The following CSNK1G2 variants were observed in gnomAD, a reference collection of about 807,000 sequenced individuals.
CSNK1G2 encodes the protein casein kinase I isoform gamma-2.
A neutral mutation model predicts 48.0 loss-of-function variants in CSNK1G2; 11 were observed. The observed-to-expected ratio is 0.23, with a 90% confidence interval of 0.14 to 0.38. The LOEUF (loss-of-function observed/expected upper bound fraction) is 0.38, where lower values mean the gene tolerates loss of function less well. Ranked by LOEUF, CSNK1G2 falls within the 10% of genes least tolerant of loss-of-function variation. The pLI is 1.00. For synonymous variants in CSNK1G2, 337 were observed against 254.1 expected (o/e 1.33, Z -3.10); for missense variants, 446 against 595.5 (o/e 0.75, Z 2.61).
intron 1 of CSNK1G2, among the ~76,000 whole-genome samples, chr19:1,945,972 G>GA (rs1218041513): frequency 6.6e-6 from 1 of 152,230 alleles, no homozygotes; most frequent in African/African-American, 2.4e-5. Flanking sequence ...CAGCCCAGTG[G>GA]AGTGGGGCAA....
intron 1 of CSNK1G2, among the ~76,000 whole-genome samples, chr19:1,959,546 T>C (rs1403142961): frequency 7.3e-5 from 7 of 95,978 alleles, no homozygotes; most frequent in East Asian, 7.4e-4. Flanking sequence ...CCAGCACCTG[T>C]GCCACCTTTA....
intron 1 of CSNK1G2, among the ~76,000 whole-genome samples, chr19:1,959,619 C>A: frequency 8.0e-6 from 1 of 124,266 alleles, no homozygotes; most frequent in East Asian, 2.3e-4. Flanking sequence ...CCCCCAGCAC[C>A]CGTGCCACCT....
intron 1 of CSNK1G2, among the ~76,000 whole-genome samples, chr19:1,966,134 T>C (rs536418947): frequency 6.6e-6 from 1 of 152,318 alleles, no homozygotes; most frequent in South Asian, 2.1e-4. Context: ...TTTGTAAGGC[T>C]CTAGGTGCCT....
At chr19:1,974,164 T>G (rs1185293710) in intron 2 of CSNK1G2, among the ~76,000 whole-genome samples, 1 of 152,060 alleles carries the variant, frequency 6.6e-6, no homozygotes, top group African/African-American at 2.4e-5. Context: ...AGTGCTAGGG[T>G]TACAGGCATG....
At chr19:1,943,854 T>G (rs878440) in intron 1 of CSNK1G2, among the ~76,000 whole-genome samples, 62,721 of 152,130 alleles carry the variant, frequency 0.41, 15,680 homozygotes, top group Non-Finnish European at 0.56. Flanking sequence ...GGGCTCATGG[T>G]CCGTCAAGGC....
At position 1,955,559 on chromosome 19, in the gene CSNK1G2, G is replaced by A. The variant is rs529188662; in HGVS notation, c.-265-13949G>A. Reference sequence around the variant, plus strand: ...GGCGTGTGCCTGGGCGAGGCTCCGCGAGTCGGGGGCAGCGCCCAGGTCAGG... The same window carrying A: ...GGCGTGTGCCTGGGCGAGGCTCCGCAAGTCGGGGGCAGCGCCCAGGTCAGG... On this transcript the variant is annotated intron_variant, in intron 1 of 11. Coordinates refer to ENST00000255641, the MANE Select transcript of CSNK1G2 (RefSeq NM_001319.7). Among the ~76,000 whole-genome samples, 75 of 152,264 alleles carry A rather than the reference G, an allele frequency of 4.9e-4. 2 individuals carry two copies. Among genetic ancestry groups the A allele is most frequent in the Admixed American group, 3.5e-3 (53 of 15,314 alleles).
At chr19:1,947,946 C>A (rs1436521222) in intron 1 of CSNK1G2, among the ~76,000 whole-genome samples, 1 of 79,232 alleles carries the variant, frequency 1.3e-5, no homozygotes, top group African/African-American at 5.9e-5. Context: ...GTCCTGGGGC[C>A]CCCATGAGTC....
intron 2 of CSNK1G2, chr19:1,975,552 A>G: frequency 1.0e-6 from 1 of 985,406 alleles, no homozygotes; most frequent in Non-Finnish European, 1.2e-6. Flanking sequence ...ACGCAGCACG[A>G]CACGGCGAGG....
At chr19:1,948,038 G>A (rs1382129175) in intron 1 of CSNK1G2, among the ~76,000 whole-genome samples, 1 of 152,168 alleles carries the variant, frequency 6.6e-6, no homozygotes, top group Admixed American at 6.5e-5. Flanking sequence ...CGTGGGCCGG[G>A]ACCCGGGATG....
chr19:1,947,233 G>A (rs970198102), intron 1 of CSNK1G2, among the ~76,000 whole-genome samples: 3 of 152,174 alleles, frequency 2.0e-5, no homozygotes, highest in Admixed American at 6.5e-5. Context: ...GTCTGGATTC[G>A]TGGACAGAGT....
intron 1 of CSNK1G2, among the ~76,000 whole-genome samples, chr19:1,961,078 A>G (rs975966487): frequency 6.6e-6 from 1 of 152,210 alleles, no homozygotes; most frequent in Non-Finnish European, 1.5e-5. Context: ...TCGCCCCCGC[A>G]TGGTGGTCCT....
intron 1 of CSNK1G2, among the ~76,000 whole-genome samples, chr19:1,956,544 C>T (rs921536294): frequency 4.6e-5 from 7 of 152,174 alleles, no homozygotes; most frequent in African/African-American, 1.7e-4. Context: ...GCATCCTAGC[C>T]GGCAAGGCCA....
chr19:1,963,130 AG>A lies in CSNK1G2; in HGVS notation c.-265-6375del, dbSNP rs367941262. ...GTGATCCCATTTCTATGAAATGTCCAGGGCAGGCCCAGCCACAGAGACAGGG... is the reference window on the plus strand; with the variant it reads ...GTGATCCCATTTCTATGAAATGTCCAGGCAGGCCCAGCCACAGAGACAGGG... On this transcript the variant is annotated intron_variant, in intron 1 of 11. Transcript: ENST00000255641. 2.3e-3 allele frequency among the ~76,000 whole-genome samples: 352 copies of A among 152,254 alleles called. 1 individual carries two copies. The highest frequency in any genetic ancestry group is 8.1e-3 in the African/African-American group (338 of 41,544).
At chr19:1,949,919 A>G (rs1346411880) in intron 1 of CSNK1G2, among the ~76,000 whole-genome samples, 1 of 152,220 alleles carries the variant, frequency 6.6e-6, no homozygotes, top group African/African-American at 2.4e-5. Flanking sequence ...TGTCAGGCAC[A>G]GGGCCAGATC....
intron 1 of CSNK1G2, among the ~76,000 whole-genome samples, chr19:1,950,507 A>G (rs898452104): frequency 1.4e-5 from 2 of 147,072 alleles, no homozygotes; most frequent in Non-Finnish European, 3.0e-5. Context: ...TTACAGCAAC[A>G]TCTGAAGAAG....
At chr19:1,964,836 C>A (rs1015913176) in intron 1 of CSNK1G2, among the ~76,000 whole-genome samples, 1 of 151,688 alleles carries the variant, frequency 6.6e-6, no homozygotes, top group Non-Finnish European at 1.5e-5. Context: ...CCCCATTCTC[C>A]TGCCTCAGCT....
intron 1 of CSNK1G2, among the ~76,000 whole-genome samples, chr19:1,962,597 A>G (rs893027606): frequency 6.6e-6 from 1 of 151,948 alleles, no homozygotes; most frequent in African/African-American, 2.4e-5. Context: ...CCCGGGAGAC[A>G]AGTTACAGTG....
At position 1,977,623 on chromosome 19, in the gene CSNK1G2, C is replaced by T. The variant is rs183535045; in HGVS notation, c.188-682C>T. Among the ~76,000 whole-genome samples, 944 of 152,054 alleles carry T rather than the reference C, an allele frequency of 6.2e-3. 7 individuals carry two copies. Among genetic ancestry groups the T allele is most frequent in the Admixed American group, 8.6e-3 (131 of 15,260 alleles). On this transcript the variant is annotated intron_variant, in intron 2 of 11. Coordinates refer to ENST00000255641, the MANE Select transcript of CSNK1G2 (RefSeq NM_001319.7). ...CAAAAATTAGTTGGGTGTGGTGGTGCGCACCTGTAGTCCCAGCTACTTGGG... is the reference window on the plus strand; with the variant it reads ...CAAAAATTAGTTGGGTGTGGTGGTGTGCACCTGTAGTCCCAGCTACTTGGG...
chr19:1,967,615 C>T (rs1168420650), intron 1 of CSNK1G2, among the ~76,000 whole-genome samples: 1 of 152,084 alleles, frequency 6.6e-6, no homozygotes. Flanking sequence ...CCTGGGGTTG[C>T]ACCACCCGAG....
Sources: gnomAD v4.1 joint callset for allele counts (sites outside exome capture counted in the v4.1 genomes callset) on GRCh38, gnomAD v4.1.1 for gene constraint, MANE v1.5 for transcripts, NCBI Gene and HGNC (gene_info 2026-07-23, HGNC 2026-07-21) for gene names.